ADAMTS12: variants seen among roughly 807,000 people sequenced by gnomAD.
ADAMTS12 encodes ADAM metallopeptidase with thrombospondin type 1 motif 12.
In ADAMTS12, 118 loss-of-function variants were observed where a neutral mutation model predicts 167.8. That is an observed-to-expected ratio of 0.70 (90% CI 0.61 to 0.82). The LOEUF is 0.82. ADAMTS12 is among the 40% of genes least tolerant of loss of function. The probability of loss-of-function intolerance (pLI) is 0.00; values close to 1 mark genes in which losing one functional copy is unlikely to be tolerated. For missense variants in ADAMTS12, 1,916 were observed against 1,998.8 expected (o/e 0.96, Z 0.79); for synonymous variants, 704 against 716.9 (o/e 0.98, Z 0.29).
At chr5:33,550,750 G>A (rs909617592) in intron 20 of ADAMTS12, among the ~76,000 whole-genome samples, 13 of 152,050 alleles carry the variant, frequency 8.5e-5, no homozygotes, top group African/African-American at 2.9e-4. Flanking sequence ...GATTGATTTT[G>A]TCCATCCTTT....
intron 15 of ADAMTS12, among the ~76,000 whole-genome samples, chr5:33,615,453 C>T (rs1187139196): frequency 6.6e-6 from 1 of 152,148 alleles, no homozygotes; most frequent in African/African-American, 2.4e-5. Context: ...TTTCACAAAG[C>T]CAAATGCTTT....
intron 3 of ADAMTS12, among the ~76,000 whole-genome samples, chr5:33,734,040 C>T (rs995186050): frequency 8.3e-6 from 1 of 120,362 alleles, no homozygotes; most frequent in African/African-American, 3.0e-5. Flanking sequence ...CACACACACA[C>T]ACACAGAGTA....
At chr5:33,864,774 G>T (rs956044018) in intron 2 of ADAMTS12, among the ~76,000 whole-genome samples, 16 of 152,142 alleles carry the variant, frequency 1.1e-4, no homozygotes, top group African/African-American at 2.9e-4. Flanking sequence ...TCACTCTTAA[G>T]TGGGAGCTGA....
rs748012527 is a variant in ADAMTS12, at chr5:33,614,342, T to A, written c.2423A>T (p.Tyr808Phe). The A allele has an allele frequency of 6.2e-7, 1 of 1,614,144 alleles. No homozygotes were observed. The highest frequency in any genetic ancestry group is 8.5e-7 in the Non-Finnish European group (1 of 1,179,992). Reference protein sequence around the residue: ...LFQVTNPGIKYEYTIQKDGLD... With the variant: ...LFQVTNPGIKFEYTIQKDGLD... ...GCCATCTTTCTGGATTGTGTACTCA[T>A]ACTTGATGCCAGGGTTAGTCACCTG... The change falls in exon 16 of 24, where the codon TAT becomes TTT. Residue 808 changes from tyrosine (Y) to phenylalanine (F), a missense_variant. Physicochemically the swap from Tyr to Phe is conservative, Grantham distance 22. Coordinates refer to ENST00000504830, the MANE Select transcript of ADAMTS12 (RefSeq NM_030955.4).
chr5:33,698,793 C>A (rs1424641401), intron 3 of ADAMTS12, among the ~76,000 whole-genome samples: 3 of 152,088 alleles, frequency 2.0e-5, no homozygotes, highest in Admixed American at 6.5e-5. Flanking sequence ...CAAAAATTAG[C>A]CAGGTGTGGT....
At chr5:33,726,850 G>A (rs557231375) in intron 3 of ADAMTS12, among the ~76,000 whole-genome samples, 7 of 151,500 alleles carry the variant, frequency 4.6e-5, no homozygotes, top group Admixed American at 2.0e-4. Context: ...GTGGTGCCCC[G>A]CAGTTTATAA....
chr5:33,711,423 C>T (rs1743400010), intron 3 of ADAMTS12, among the ~76,000 whole-genome samples: 1 of 152,090 alleles, frequency 6.6e-6, no homozygotes, highest in Non-Finnish European at 1.5e-5. Flanking sequence ...TATTTTGGAA[C>T]CATAAGTGGC....
At chr5:33,842,957 A>C (rs551431704) in intron 2 of ADAMTS12, among the ~76,000 whole-genome samples, 67 of 152,252 alleles carry the variant, frequency 4.4e-4, no homozygotes, top group Non-Finnish European at 7.6e-4. Flanking sequence ...TGAAGGTTAC[A>C]GGAAATGAAA....
At chr5:33,570,129 A>G (rs957596556) in intron 19 of ADAMTS12, among the ~76,000 whole-genome samples, 7 of 152,208 alleles carry the variant, frequency 4.6e-5, no homozygotes, top group Non-Finnish European at 8.8e-5. Context: ...ATTGGTGTAC[A>G]TGAAAGTGAC....
intron 5 of ADAMTS12, among the ~76,000 whole-genome samples, chr5:33,674,069 T>C (rs1741816816): frequency 6.6e-6 from 1 of 152,208 alleles, no homozygotes; most frequent in Non-Finnish European, 1.5e-5. Flanking sequence ...AATTGAGGTT[T>C]ATTCTTCTCC....
chr5:33,858,990 C>T (rs973533345), intron 2 of ADAMTS12, among the ~76,000 whole-genome samples: 1 of 152,186 alleles, frequency 6.6e-6, no homozygotes, highest in African/African-American at 2.4e-5. Context: ...AGATGCTACA[C>T]TTTTCCCATG....
At position 33,686,218 on chromosome 5, in the gene ADAMTS12, G is replaced by GC. The variant is rs539965474; in HGVS notation, c.635-2164dup. 3.3e-3 allele frequency among the ~76,000 whole-genome samples: 501 copies of GC among 152,138 alleles called. 3 individuals are homozygous for GC. The highest frequency in any genetic ancestry group is 0.012 in the African/African-American group (488 of 41,498). ...GGGCCTTAGCCCTTCTTCTCCCTTGGCCCCCGCAGGCTCAGCCTCCCTCCC... is the reference window on the plus strand; with the variant it reads ...GGGCCTTAGCCCTTCTTCTCCCTTGGCCCCCCGCAGGCTCAGCCTCCCTCCC... On this transcript the variant is annotated intron_variant, in intron 3 of 23. Transcript: ENST00000504830.
At position 33,746,021 on chromosome 5, in the gene ADAMTS12, C is replaced by T. The variant is rs577901639; in HGVS notation, c.634+5383G>A. Among the ~76,000 whole-genome samples, 10 of 152,174 alleles carry T rather than the reference C, an allele frequency of 6.6e-5. No individual in the cohort carries two copies. In the South Asian group the frequency reaches 2.1e-3, roughly 32 times the overall value. ...ATAATAACATATATGCACATGCCAC[C>T]CCTCCAAAAAACAGAAGAAAAAATA... On this transcript the variant is annotated intron_variant, in intron 3 of 23. Coordinates refer to ENST00000504830, the MANE Select transcript of ADAMTS12 (RefSeq NM_030955.4).
At chr5:33,790,843 C>T (rs1348591151) in intron 2 of ADAMTS12, among the ~76,000 whole-genome samples, 3 of 150,116 alleles carry the variant, frequency 2.0e-5, no homozygotes, top group Non-Finnish European at 4.4e-5. Context: ...AAGGTGCAGA[C>T]ATCAGCTACA....
At chr5:33,703,842 T>C (rs1000327914) in intron 3 of ADAMTS12, among the ~76,000 whole-genome samples, 3 of 152,196 alleles carry the variant, frequency 2.0e-5, no homozygotes, top group Admixed American at 2.0e-4. Flanking sequence ...GAGTCACTTA[T>C]GCTAAATTCC....
intron 6 of ADAMTS12, among the ~76,000 whole-genome samples, chr5:33,659,493 T>C (rs1297604086): frequency 6.6e-6 from 1 of 152,186 alleles, no homozygotes; most frequent in Non-Finnish European, 1.5e-5. Flanking sequence ...AGATGAATGG[T>C]GCTCATTGCT....
At chr5:33,783,652 C>T (rs1746224958) in intron 2 of ADAMTS12, among the ~76,000 whole-genome samples, 1 of 151,822 alleles carries the variant, frequency 6.6e-6, no homozygotes, top group South Asian at 2.1e-4. Context: ...CCTAGCAAGA[C>T]ACAAATTACT....
chr5:33,868,726 C>T (rs1211089582), intron 2 of ADAMTS12, among the ~76,000 whole-genome samples: 1 of 152,200 alleles, frequency 6.6e-6, no homozygotes, highest in African/African-American at 2.4e-5. Flanking sequence ...CCATTGGTCA[C>T]ATGTGGCCCA....
At chr5:33,626,207 GTGGTGATGGAGTAGTGGCGA>G (rs1290288150) in intron 13 of ADAMTS12, among the ~76,000 whole-genome samples, 1 of 151,886 alleles carries the variant, frequency 6.6e-6, no homozygotes, top group Non-Finnish European at 1.5e-5. Flanking sequence ...GGTGATAATA[GTGGTGATGGAGTAGTGGCGA>G]TGGTGATGGA....
Sources: allele counts gnomAD v4.1 joint callset (sites outside exome capture counted in the v4.1 genomes callset), GRCh38; gene constraint gnomAD v4.1.1; transcripts MANE v1.5; gene names NCBI Gene and HGNC (gene_info 2026-07-23, HGNC 2026-07-21).